The following SLCO6A1 variants were observed in gnomAD, a reference collection of about 807,000 sequenced individuals.
The protein encoded by SLCO6A1 is cancer/testis antigen 48.
In SLCO6A1, 65 loss-of-function variants were observed where a neutral mutation model predicts 72.7. That is an observed-to-expected ratio of 0.89 (90% CI 0.73 to 1.10). The LOEUF (loss-of-function observed/expected upper bound fraction) is 1.10. Among genes scored for constraint, SLCO6A1 ranks in the 50% least tolerant of loss-of-function variants. The pLI, the probability that SLCO6A1 is intolerant of heterozygous loss-of-function variation, is 0.00. For synonymous variants in SLCO6A1, 314 were observed against 298.2 expected (o/e 1.05, Z -0.55); for missense variants, 874 against 872.6 (o/e 1.00, Z -0.02).
chr5:102,461,331 A>G (rs1291010602), intron 4 of SLCO6A1, among the ~76,000 whole-genome samples: 2 of 152,112 alleles, frequency 1.3e-5, no homozygotes, highest in Admixed American at 1.3e-4. Context: ...ATAGTGTAAC[A>G]TACCATATGT....
chr5:102,395,673 G>C (rs897710819), intron 10 of SLCO6A1, among the ~76,000 whole-genome samples: 6 of 152,064 alleles, frequency 3.9e-5, no homozygotes, highest in African/African-American at 9.7e-5. Context: ...TAAAAGTGTT[G>C]CTATTTCTCC....
intron 1 of SLCO6A1, among the ~76,000 whole-genome samples, chr5:102,487,512 C>T (rs1048566419): frequency 1.3e-5 from 2 of 152,168 alleles, no homozygotes; most frequent in East Asian, 1.9e-4. Flanking sequence ...CTTTACTCTT[C>T]GGCCACTGTT....
chr5:102,457,681 G>A (rs952082252), intron 6 of SLCO6A1, among the ~76,000 whole-genome samples: 2 of 152,172 alleles, frequency 1.3e-5, no homozygotes, highest in African/African-American at 4.8e-5. Flanking sequence ...AACCATTGCG[G>A]AAGTCAATGT....
intron 4 of SLCO6A1, among the ~76,000 whole-genome samples, chr5:102,470,297 T>C (rs1166886333): frequency 6.6e-6 from 1 of 152,180 alleles, no homozygotes; most frequent in Non-Finnish European, 1.5e-5. Flanking sequence ...CCTGGACTTT[T>C]TTTGGTTGGT....
chr5:102,372,470 T>C (rs1750676013), intron 13 of SLCO6A1, among the ~76,000 whole-genome samples: 1 of 151,994 alleles, frequency 6.6e-6, no homozygotes, highest in Non-Finnish European at 1.5e-5. Context: ...TCGATTGATG[T>C]ACAATAATGT....
At chr5:102,473,347 A>C (rs866427459) in intron 4 of SLCO6A1, among the ~76,000 whole-genome samples, 2 of 152,186 alleles carry the variant, frequency 1.3e-5, no homozygotes, top group African/African-American at 4.8e-5. Flanking sequence ...GTAATACACC[A>C]CATTAACATA....
At position 102,391,700 on chromosome 5, in the gene SLCO6A1, G is replaced by C. The variant is rs879269388; in HGVS notation, c.1815-655C>G. ...CCAGAGGTAATGCACTATTATTTGGGATTCCTTACACCTTACCTACATTTT... is the reference window on the plus strand; with the variant it reads ...CCAGAGGTAATGCACTATTATTTGGCATTCCTTACACCTTACCTACATTTT... On this transcript the variant is annotated intron_variant, in intron 10 of 13. Coordinates refer to ENST00000506729, the MANE Select transcript of SLCO6A1 (RefSeq NM_173488.5). Among the ~76,000 whole-genome samples the C allele has an allele frequency of 1.1e-3, 169 of 152,146 alleles. 1 individual carries two copies. The highest frequency in any genetic ancestry group is 2.1e-3 in the East Asian group (11 of 5,172).
chr5:102,420,343 A>G (rs1748525773), intron 7 of SLCO6A1, among the ~76,000 whole-genome samples: 1 of 152,176 alleles, frequency 6.6e-6, no homozygotes, highest in South Asian at 2.1e-4. Context: ...TCTTATTGAG[A>G]TCTATTATTA....
intron 4 of SLCO6A1, 84 bp downstream of exon 4, chr5:102,475,607 TTAAATA>T: frequency 1.3e-6 from 1 of 755,772 alleles, no homozygotes; most frequent in African/African-American, 1.8e-5. Flanking sequence ...TTATTACAAA[TTAAATA>T]TATATATTTA....
intron 6 of SLCO6A1, among the ~76,000 whole-genome samples, chr5:102,445,665 T>G (rs2112704894): frequency 6.6e-6 from 1 of 152,316 alleles, no homozygotes; most frequent in East Asian, 1.9e-4. Flanking sequence ...TCCAGAATGG[T>G]ATTTCCTAGA....
intron 12 of SLCO6A1, among the ~76,000 whole-genome samples, chr5:102,383,975 T>C (rs1049217007): frequency 1.3e-4 from 19 of 151,812 alleles, no homozygotes; most frequent in Admixed American, 1.2e-3. Context: ...TGATGTATAA[T>C]TTTTCATAAT....
chr5:102,467,456 A>G (rs1486759187), intron 4 of SLCO6A1, among the ~76,000 whole-genome samples: 1 of 152,006 alleles, frequency 6.6e-6, no homozygotes, highest in Non-Finnish European at 1.5e-5. Flanking sequence ...GATCTTGTGC[A>G]GGGGACCTCC....
Position 102,498,869 on chromosome 5 carries a change from G to A in SLCO6A1, c.-25C>T, listed in dbSNP as rs935423232. Reference sequence around the variant, plus strand: ...TGGCTCACCCTGGGCGGCTCCTGGCGACGCGGCCCGAGTGCTCTCGGCTGC... The same window carrying A: ...TGGCTCACCCTGGGCGGCTCCTGGCAACGCGGCCCGAGTGCTCTCGGCTGC... On this transcript the variant is annotated 5_prime_UTR_variant, in exon 1 of 14. Coordinates refer to ENST00000506729, the MANE Select transcript of SLCO6A1 (RefSeq NM_173488.5). The A allele has an allele frequency of 1.3e-6, 2 of 1,578,056 alleles. No individual in the cohort carries two copies. Among genetic ancestry groups the A allele is most frequent in the Admixed American group, 1.7e-5 (1 of 57,284 alleles).
intron 4 of SLCO6A1, among the ~76,000 whole-genome samples, chr5:102,463,242 G>A (rs572634433): frequency 7.3e-6 from 1 of 136,210 alleles, no homozygotes; most frequent in African/African-American, 2.8e-5. Context: ...CTGCAAGAAT[G>A]GCCATAATTA....
intron 9 of SLCO6A1, among the ~76,000 whole-genome samples, chr5:102,403,582 T>C (rs1747514501): frequency 6.6e-6 from 1 of 152,150 alleles, no homozygotes; most frequent in South Asian, 2.1e-4. Context: ...TCTATAATGA[T>C]GCATAAAAAC....
intron 6 of SLCO6A1, among the ~76,000 whole-genome samples, chr5:102,456,548 T>C (rs1750726556): frequency 6.6e-6 from 1 of 151,996 alleles, no homozygotes; most frequent in Non-Finnish European, 1.5e-5. Flanking sequence ...CTTACGAGGG[T>C]TGTGAAGAAC....
At position 102,442,670 on chromosome 5, in the gene SLCO6A1, G is replaced by A. The variant is rs149504717; in HGVS notation, c.1132-3909C>T. ...CTCTTTCAGATTAAAAGGAACAGAC[G>A]CTGTTAATTCCACTGATGCAATTTA... On this transcript the variant is annotated intron_variant, in intron 6 of 13. Coordinates refer to ENST00000506729, the MANE Select transcript of SLCO6A1 (RefSeq NM_173488.5). Among the ~76,000 whole-genome samples the A allele has an allele frequency of 3.1e-3, 475 of 152,270 alleles. 1 individual carries two copies. Among genetic ancestry groups the A allele is most frequent in the African/African-American group, 0.011 (440 of 41,542 alleles).
chr5:102,381,240 A>G (rs1436372930), intron 12 of SLCO6A1, among the ~76,000 whole-genome samples: 2 of 151,642 alleles, frequency 1.3e-5, no homozygotes, highest in East Asian at 1.9e-4. Flanking sequence ...TCCCATTTCC[A>G]TCACCAGCCC....
At chr5:102,444,421 A>G (rs1055376811) in intron 6 of SLCO6A1, among the ~76,000 whole-genome samples, 4 of 152,182 alleles carry the variant, frequency 2.6e-5, no homozygotes, top group Non-Finnish European at 2.9e-5. Flanking sequence ...GGATGAAAAC[A>G]TAAGTTAAAG....
Sources: allele counts gnomAD v4.1 joint callset (sites outside exome capture counted in the v4.1 genomes callset), GRCh38; gene constraint gnomAD v4.1.1; transcripts MANE v1.5; gene names NCBI Gene and HGNC (gene_info 2026-07-23, HGNC 2026-07-21).